Variants in NKD2 observed in about 807,000 individuals in gnomAD.
NKD2 encodes NKD inhibitor of Wnt signaling pathway 2.
NKD2 carries 43 observed loss-of-function variants against 34.8 expected under a neutral mutation model. That is an observed-to-expected ratio of 1.24 (90% CI 0.97 to 1.60). NKD2 has a LOEUF of 1.60. Among genes scored for constraint, NKD2 ranks in the 40% most tolerant of loss-of-function variants. The pLI is 0.00. For missense variants in NKD2, 675 were observed against 627.1 expected, an observed-to-expected ratio of 1.08 and a Z score of -0.82; for synonymous variants, 278 against 265.1, an observed-to-expected ratio of 1.05 and a Z score of -0.47.
At chr5:1,014,676 T>A (rs572928574) in intron 3 of NKD2, among the ~76,000 whole-genome samples, 105 of 152,208 alleles carry the variant, frequency 6.9e-4, no homozygotes, top group Non-Finnish European at 1.1e-3. Flanking sequence ...GCCACTGTCC[T>A]GTCTAGGCTA....
intron 9 of NKD2, 33 bp from the exon 10 acceptor site, chr5:1,037,771 TC>T: frequency 6.4e-7 from 1 of 1,561,422 alleles, no homozygotes; most frequent in Non-Finnish European, 8.6e-7. Context: ...GAGCCTGCAC[TC>T]CCAGGGCCTC....
chr5:1,016,145 G>A (rs1405488762), intron 3 of NKD2, among the ~76,000 whole-genome samples: 3 of 152,258 alleles, frequency 2.0e-5, no homozygotes, highest in African/African-American at 7.2e-5. Flanking sequence ...AGCTCGTGGT[G>A]CTGGCCTGGA....
intron 3 of NKD2, among the ~76,000 whole-genome samples, chr5:1,030,656 A>T (rs937491489): frequency 9.2e-5 from 14 of 152,124 alleles, no homozygotes; most frequent in Non-Finnish European, 1.6e-4. Context: ...TGCTGTGTGG[A>T]TGTACAAAGG....
rs149371893 is a variant in NKD2, at chr5:1,036,278, G to A, written c.681G>A (p.Gln227=). ...AHVRRPSTDP[Q]PCSERGPYCV... is the part of the protein sequence containing the mutation. ...GCAGGAGGCCCAGTACTGACCCCCA[G>A]CCCTGCTCGGAGCGGGGGCCCTACT... Residue 227 remains glutamine, a synonymous_variant, in exon 9 of 10, where the codon CAG becomes CAA. Coordinates refer to ENST00000296849, the MANE Select transcript of NKD2 (RefSeq NM_033120.4). The A allele has an allele frequency of 3.9e-4, 633 of 1,610,432 alleles. 4 individuals are homozygous for A. Among genetic ancestry groups the A allele is most frequent in the Admixed American group, 1.8e-4 (11 of 59,850 alleles).
Position 1,034,881 on chromosome 5 carries a change from G to T in NKD2, c.552G>T (p.Lys184Asn), listed in dbSNP as rs765176865. 20 of 1,611,492 alleles carry T rather than the reference G, an allele frequency of 1.2e-5. No homozygotes were observed. Among genetic ancestry groups the T allele is most frequent in the Non-Finnish European group, 1.6e-5 (19 of 1,179,288 alleles). ...TVSPEPSSKRKEGPPAGQDRE... is the reference protein window; with the variant it reads ...TVSPEPSSKRNEGPPAGQDRE... The stretch of plus-strand genomic sequence containing the variant: ...GCCCTGAGCCCTCCAGCAAGAGGAA[G>T]GAGGGTCCTCCTGCTGGCCAGGGTG... Residue 184 changes from lysine to asparagine, a missense_variant, in exon 7 of 10, where the codon AAG (lysine) becomes AAT (asparagine). Lys to Asn is a moderately conservative substitution (Grantham distance 94, BLOSUM62 0). Transcript: ENST00000296849.
chr5:1,034,504 G>T (rs1733728430), intron 6 of NKD2, among the ~76,000 whole-genome samples, 174 bp downstream of exon 6: 1 of 152,196 alleles, frequency 6.6e-6, no homozygotes, highest in Non-Finnish European at 1.5e-5. Flanking sequence ...TCTGGGCCGA[G>T]CCTGCGCCGC....
chr5:1,019,963 G>A (rs943120582), intron 3 of NKD2, among the ~76,000 whole-genome samples: 2 of 152,186 alleles, frequency 1.3e-5, no homozygotes, highest in Admixed American at 6.5e-5. Flanking sequence ...GCGGTTGAGG[G>A]TGCAGCAGTT....
At chr5:1,034,600 C>T (rs899711991) in intron 6 of NKD2, among the ~76,000 whole-genome samples, 156 bp from the exon 7 acceptor site, 7 of 152,308 alleles carry the variant, frequency 4.6e-5, no homozygotes, top group African/African-American at 1.7e-4. Context: ...CAGACCCAGG[C>T]TGCTCCGAGA....
At chr5:1,029,375 G>A (rs769221916) in intron 3 of NKD2, among the ~76,000 whole-genome samples, 33 of 152,174 alleles carry the variant, frequency 2.2e-4, no homozygotes, top group African/African-American at 7.7e-4. Flanking sequence ...GCTACATGGT[G>A]TAGTTTTGGT....
Position 1,038,027 on chromosome 5 carries a change from C to G in NKD2, c.1010C>G (p.Ser337Cys), listed in dbSNP as rs200868256. 6.1e-5 allele frequency: 98 copies of G among 1,608,944 alleles called. No individual in the cohort carries two copies. The highest frequency in any genetic ancestry group is 7.5e-5 in the Non-Finnish European group (88 of 1,179,022). ...EKQFLKSPKGSGKPPGVPASS... is the reference protein window; with the variant it reads ...EKQFLKSPKGCGKPPGVPASS... ...CAGTTCCTCAAGTCCCCCAAGGGCT[C>G]CGGGAAGCCGCCTGGGGTGCCAGCC... Residue 337 changes from serine to cysteine, a missense_variant, in exon 10 of 10, where the codon TCC (serine) becomes TGC (cysteine). Coordinates refer to ENST00000296849, the MANE Select transcript of NKD2 (RefSeq NM_033120.4). This position sits in a 1 kb window ranked among gnomAD's most constrained non-coding sequence, Gnocchi z 4.5.
In NKD2 at chr5:1,036,520, CCACCCAGGACGG is replaced by C. The variant is rs1301739221; in HGVS notation, c.787+145_787+156del. The stretch of plus-strand genomic sequence containing the variant: ...CCCCCCCAACCCCCCCCACCCCACC[CCACCCAGGACGG>C]CACCCAGGTCCTTCCACAGCTACCT... On this transcript the variant is annotated intron_variant, in intron 9 of 9. Coordinates refer to ENST00000296849, the MANE Select transcript of NKD2 (RefSeq NM_033120.4). 1.1e-5 allele frequency: 7 copies of C among 660,962 alleles called. No homozygotes were observed. The African/African-American group carries it at 1.3e-4, about 13-fold the overall frequency. 40.9% of individuals were successfully genotyped at this position (660,962 alleles called of 1,614,324 possible). A position where few individuals can be genotyped will look rare whatever the true frequency, so the allele number is the denominator to read the frequency against.
intron 7 of NKD2, 35 bp from the exon 8 acceptor site, chr5:1,035,354 G>A (rs1387768624): frequency 6.7e-7 from 1 of 1,481,604 alleles, no homozygotes; most frequent in Non-Finnish European, 9.2e-7. Context: ...AATGAAGGAG[G>A]GAGGGAGTGA....
chr5:1,030,020 G>C (rs572079569), intron 3 of NKD2, among the ~76,000 whole-genome samples: 3 of 150,436 alleles, frequency 2.0e-5, no homozygotes, highest in African/African-American at 2.5e-5. Context: ...TGGTGCGGGG[G>C]GGGGGGTACT....
intron 3 of NKD2, among the ~76,000 whole-genome samples, chr5:1,012,713 C>T (rs1332233469): frequency 6.6e-6 from 1 of 152,212 alleles, no homozygotes; most frequent in Non-Finnish European, 1.5e-5. Context: ...AGCCACAGTG[C>T]CCCAGAGGCT....
intron 3 of NKD2, among the ~76,000 whole-genome samples, chr5:1,022,312 T>A (rs62330225): frequency 0.11 from 1,172 of 11,064 alleles, 31 homozygotes; most frequent in South Asian, 0.33. Context: ...GTCCCAGCCC[T>A]TTGTCCCTGC....
chr5:1,027,713 G>C (rs762076286), intron 3 of NKD2, among the ~76,000 whole-genome samples: 1 of 152,234 alleles, frequency 6.6e-6, no homozygotes, highest in Non-Finnish European at 1.5e-5. Context: ...TTCCCACCGG[G>C]CGTTCCACCA....
In NKD2 at chr5:1,009,464, C is replaced by T; in HGVS notation, c.62-17C>T. On this transcript the variant is annotated splice_polypyrimidine_tract_variant and intron_variant, in intron 2 of 9. Coordinates refer to ENST00000296849, the MANE Select transcript of NKD2 (RefSeq NM_033120.4). The surrounding 1 kb of genome is among the most constrained non-coding windows in gnomAD (Gnocchi z 6.9). The stretch of plus-strand genomic sequence containing the variant: ...TCCTCGGTGCGGGTTTCCCGCGCGT[C>T]CGCCCCCGGACCGCAGGGGACAGCT... 1 of 1,491,386 alleles carries T rather than the reference C, an allele frequency of 6.7e-7. No individual in the cohort carries two copies. Among genetic ancestry groups the T allele is most frequent in the South Asian group, 1.3e-5 (1 of 79,962 alleles). 92.4% of individuals were successfully genotyped at this position (1,491,386 alleles called of 1,614,324 possible).
chr5:1,010,361 C>G (rs542782200), intron 3 of NKD2, among the ~76,000 whole-genome samples: 2 of 152,166 alleles, frequency 1.3e-5, no homozygotes, highest in Admixed American at 1.3e-4. Flanking sequence ...CTTGCTTCCT[C>G]CCCCACTGTC....
In NKD2 at chr5:1,038,067, G is replaced by C; in HGVS notation, c.1050G>C (p.Gly350=). Residue 350 remains glycine, a synonymous_variant, in exon 10 of 10, where the codon GGG becomes GGC. Coordinates refer to ENST00000296849, the MANE Select transcript of NKD2 (RefSeq NM_033120.4). The surrounding 1 kb of genome is among the most constrained non-coding windows in gnomAD (Gnocchi z 4.5). ...GGGTGCCAGCCAGCAGCAAGTCCGG[G>C]AAAGCCTTCAGCTACTACCTGCCGG... ...PPGVPASSKS[G]KAFSYYLPAV... 6.2e-7 allele frequency: 1 copy of C among 1,609,234 alleles called. No homozygotes were observed. The highest frequency in any genetic ancestry group is 8.5e-7 in the Non-Finnish European group (1 of 1,179,182).
Sources: gnomAD v4.1 joint callset for allele counts (sites outside exome capture counted in the v4.1 genomes callset) on GRCh38, gnomAD v4.1.1 for gene constraint, Gnocchi (gnomAD v3.1) non-coding constraint, MANE v1.5 for transcripts, NCBI Gene and HGNC (gene_info 2026-07-23, HGNC 2026-07-21) for gene names.